Variants in DPP6 observed in about 807,000 individuals in gnomAD.
DPP6 encodes dipeptidyl peptidase like 6.
DPP6 carries 69 observed loss-of-function variants against 122.6 expected under a neutral mutation model. The ratio of observed to expected loss-of-function variants is 0.56; its 90% CI spans 0.46 to 0.69. The LOEUF (loss-of-function observed/expected upper bound fraction) is 0.69, where lower values mean the gene tolerates loss of function less well. DPP6 is among the 30% of genes least tolerant of loss of function. DPP6 has a pLI of 0.00. For missense variants in DPP6, 928 were observed against 1,116.9 expected (o/e 0.83, Z 2.41); for synonymous variants, 418 against 433.1 (o/e 0.97, Z 0.43).
At chr7:154,352,883 A>C (rs907984368) in intron 1 of DPP6, among the ~76,000 whole-genome samples, 3 of 152,356 alleles carry the variant, frequency 2.0e-5, no homozygotes, top group Admixed American at 2.0e-4. Context: ...TTAAATATTT[A>C]ATAAGGCATG....
At position 154,701,370 on chromosome 7, in the gene DPP6, T is replaced by A. The variant is rs1018434423; in HGVS notation, c.763-26397T>A. ...TTTAGATCTAAGCCTATACCTTTTTTAAAGTATAACCCAACGCTACCTAGT... is the reference window on the plus strand; with the variant it reads ...TTTAGATCTAAGCCTATACCTTTTTAAAAGTATAACCCAACGCTACCTAGT... On this transcript the variant is annotated intron_variant, in intron 7 of 25. Coordinates refer to ENST00000377770, the MANE Select transcript of DPP6 (RefSeq NM_130797.4). 2.8e-4 allele frequency among the ~76,000 whole-genome samples: 43 copies of A among 152,342 alleles called. 1 individual carries two copies. The highest frequency in any genetic ancestry group is 2.2e-3 in the Admixed American group (34 of 15,310).
At chr7:154,252,249 C>T (rs1421083336) in intron 1 of DPP6, among the ~76,000 whole-genome samples, 6 of 143,722 alleles carry the variant, frequency 4.2e-5, no homozygotes, top group East Asian at 3.9e-4. Context: ...CGCATGCGCA[C>T]GGTGGTGGTG....
intron 1 of DPP6, among the ~76,000 whole-genome samples, chr7:154,125,489 A>G (rs769099586): frequency 4.6e-5 from 7 of 152,206 alleles, no homozygotes; most frequent in Admixed American, 2.6e-4. Context: ...ACCACTAAAG[A>G]GCAATGCACC....
intron 8 of DPP6, among the ~76,000 whole-genome samples, chr7:154,759,950 C>T (rs986419873): frequency 2.0e-5 from 3 of 152,178 alleles, no homozygotes; most frequent in African/African-American, 7.2e-5. Context: ...GGTGAAACCC[C>T]ATCTCTACTA....
rs1407119061 is a variant in DPP6 at position 154,663,624 on chromosome 7, C to T, written c.681-5736C>T. Among the ~76,000 whole-genome samples the T allele has an allele frequency of 1.2e-4, 3 of 25,002 alleles. 1 individual carries two copies. Among genetic ancestry groups the T allele is most frequent in the Non-Finnish European group, 2.9e-4 (2 of 6,798 alleles). The allele number at this position is 25,002 out of a possible 152,430, so 16.4% of individuals were successfully genotyped here. A position where few individuals can be genotyped will look rare whatever the true frequency, so the allele number is the denominator to read the frequency against. On this transcript the variant is annotated intron_variant, in intron 6 of 25. Coordinates refer to ENST00000377770, the MANE Select transcript of DPP6 (RefSeq NM_130797.4). ...CATGGCGTGTTGGCCCTAGTGTTCA[C>T]GCAGTCATGGTGAATCACCATGGCA...
At chr7:154,139,691 G>A (rs1286482129) in intron 1 of DPP6, among the ~76,000 whole-genome samples, 3 of 151,656 alleles carry the variant, frequency 2.0e-5, no homozygotes, top group Admixed American at 6.6e-5. Flanking sequence ...TAAGAAGTCC[G>A]GTGAAATGCA....
At chr7:154,293,466 A>G (rs1320386685) in intron 1 of DPP6, among the ~76,000 whole-genome samples, 1 of 152,092 alleles carries the variant, frequency 6.6e-6, no homozygotes, top group Non-Finnish European at 1.5e-5. Flanking sequence ...AGAAGGGGAG[A>G]GGGGGGAAAT....
intron 1 of DPP6, among the ~76,000 whole-genome samples, chr7:154,258,275 A>G (rs920054583): frequency 2.0e-5 from 3 of 152,196 alleles, no homozygotes; most frequent in African/African-American, 7.2e-5. Context: ...ATGCAGTAAA[A>G]CAAACAGATG....
chr7:153,774,815 G>C, the DPP6 span, among the ~76,000 whole-genome samples: 1 of 151,974 alleles, frequency 6.6e-6, no homozygotes, highest in Non-Finnish European at 1.5e-5. Context: ...AAATTTTTAA[G>C]TTAACTGGAC....
At chr7:154,723,685 A>G (rs1841932028) in intron 7 of DPP6, among the ~76,000 whole-genome samples, 3 of 152,238 alleles carry the variant, frequency 2.0e-5, no homozygotes, top group Non-Finnish European at 4.4e-5. Flanking sequence ...AATCTGGAGA[A>G]ACTGCCTTTT....
chr7:153,813,487 C>A, the DPP6 span, among the ~76,000 whole-genome samples: 1 of 152,088 alleles, frequency 6.6e-6, no homozygotes, highest in Non-Finnish European at 1.5e-5. Context: ...AATAAACATA[C>A]GTGTGCATGT....
intron 1 of DPP6, among the ~76,000 whole-genome samples, chr7:154,445,466 G>A (rs7783212): frequency 0.19 from 29,142 of 152,094 alleles, 3,953 homozygotes; most frequent in African/African-American, 0.39. Context: ...GCCAGTACGC[G>A]TGATGAATTT....
At chr7:154,294,321 G>A (rs777670713) in intron 1 of DPP6, among the ~76,000 whole-genome samples, 17 of 152,164 alleles carry the variant, frequency 1.1e-4, no homozygotes, top group Admixed American at 1.3e-4. Flanking sequence ...TGGAGCTGGT[G>A]TCTTTGCTAA....
chr7:154,135,140 C>T lies in DPP6; in HGVS notation c.243+82077C>T, dbSNP rs576065480. ...TATGTGTACACTTCCTTTGAGCCCA[C>T]ATTGTGGGTGTACACTTCCTGTGAG... On this transcript the variant is annotated intron_variant, in intron 1 of 25. Transcript: ENST00000377770. Among the ~76,000 whole-genome samples, 3 of 151,672 alleles carry T rather than the reference C, an allele frequency of 2.0e-5. No homozygotes were observed. The East Asian group carries it at 5.9e-4, about 30-fold the overall frequency.
intron 1 of DPP6, among the ~76,000 whole-genome samples, chr7:154,136,938 G>T (rs1353984003): frequency 1.3e-5 from 2 of 152,202 alleles, no homozygotes; most frequent in East Asian, 3.9e-4. Context: ...TTGTAGGACT[G>T]TGTGCTCAGT....
chr7:154,466,728 T>G (rs1269847092), intron 2 of DPP6, among the ~76,000 whole-genome samples: 1 of 152,236 alleles, frequency 6.6e-6, no homozygotes, highest in Non-Finnish European at 1.5e-5. Flanking sequence ...ATAATACCAG[T>G]GCACGTGGAC....
intron 16 of DPP6, among the ~76,000 whole-genome samples, chr7:154,835,521 T>G (rs1377280386): frequency 2.0e-5 from 3 of 152,120 alleles, no homozygotes; most frequent in Non-Finnish European, 4.4e-5. Context: ...CTCTCTGACT[T>G]AAGGCCAGCT....
At chr7:154,288,442 T>G (rs1420129547) in intron 1 of DPP6, among the ~76,000 whole-genome samples, 1 of 152,254 alleles carries the variant, frequency 6.6e-6, no homozygotes, top group Non-Finnish European at 1.5e-5. Context: ...TCCCACTTTC[T>G]GCTACTGACC....
At chr7:154,034,309 C>T (rs1242954901) in intron 1 of DPP6, among the ~76,000 whole-genome samples, 2 of 152,130 alleles carry the variant, frequency 1.3e-5, no homozygotes, top group African/African-American at 4.8e-5. Flanking sequence ...TGTTCCAATC[C>T]TTTGAATTTA....
Sources: gnomAD v4.1 joint callset for allele counts (sites outside exome capture counted in the v4.1 genomes callset) on GRCh38, gnomAD v4.1.1 for gene constraint, MANE v1.5 for transcripts, NCBI Gene and HGNC (gene_info 2026-07-23, HGNC 2026-07-21) for gene names.